The following GOT1 variants were observed in gnomAD, a reference collection of about 807,000 sequenced individuals.
GOT1 encodes glutamic-oxaloacetic transaminase 1.
GOT1 carries 25 observed loss-of-function variants against 48.2 expected under a neutral mutation model. The observed-to-expected ratio is 0.52, with a 90% CI of 0.38 to 0.72. The LOEUF is 0.72. Ranked by LOEUF, GOT1 falls within the 30% of genes least tolerant of loss-of-function variation. The pLI, the probability that GOT1 is intolerant of heterozygous loss-of-function variation, is 0.00. For synonymous variants in GOT1, 188 were observed against 193.8 expected, an observed-to-expected ratio of 0.97 and a Z score of 0.25; for missense variants, 380 against 520.1, an observed-to-expected ratio of 0.73 and a Z score of 2.62.
intron 1 of GOT1, among the ~76,000 whole-genome samples, chr10:99,429,968 C>A (rs1241829771): frequency 6.6e-6 from 1 of 152,084 alleles, no homozygotes; most frequent in African/African-American, 2.4e-5. Flanking sequence ...TCAGTCTCCC[C>A]CTACAAAGCT....
chr10:99,410,670 C>G lies in GOT1; in HGVS notation c.301-3821G>C, dbSNP rs188377187. Among the ~76,000 whole-genome samples, 519 of 152,290 alleles carry G rather than the reference C, an allele frequency of 3.4e-3. 1 individual carries two copies. Among genetic ancestry groups the G allele is most frequent in the African/African-American group, 0.012 (488 of 41,568 alleles). ...GTGAAACACAAGTTGCTCTAAACATCAGCAACTAACAGAAACAAGTTTTTG... is the reference window on the plus strand; with the variant it reads ...GTGAAACACAAGTTGCTCTAAACATGAGCAACTAACAGAAACAAGTTTTTG... On this transcript the variant is annotated intron_variant, in intron 2 of 8. Transcript: ENST00000370508.
At chr10:99,417,248 C>T (rs1024757379) in intron 2 of GOT1, among the ~76,000 whole-genome samples, 1 of 152,180 alleles carries the variant, frequency 6.6e-6, no homozygotes, top group Non-Finnish European at 1.5e-5. Context: ...AAACAAACAA[C>T]CCCATCAACA....
intron 1 of GOT1, among the ~76,000 whole-genome samples, chr10:99,429,571 T>C (rs1357621751): frequency 6.6e-6 from 1 of 152,114 alleles, no homozygotes; most frequent in Non-Finnish European, 1.5e-5. Flanking sequence ...AAAATCCAAA[T>C]GGAGAAAATA....
At chr10:99,412,940 A>G (rs1476825913) in intron 2 of GOT1, among the ~76,000 whole-genome samples, 1 of 152,234 alleles carries the variant, frequency 6.6e-6, no homozygotes, top group Non-Finnish European at 1.5e-5. Context: ...CCAAAAACCC[A>G]TCTGTACATC....
intron 1 of GOT1, among the ~76,000 whole-genome samples, chr10:99,423,827 T>A (rs1045743976): frequency 1.8e-4 from 27 of 151,894 alleles, no homozygotes; most frequent in East Asian, 9.7e-4. Flanking sequence ...TTTTTTTTTT[T>A]AAATTTTTCA....
At chr10:99,420,878 C>T (rs1008308357) in intron 1 of GOT1, 73 bp from the exon 2 acceptor site, 27 of 1,185,390 alleles carry the variant, frequency 2.3e-5, no homozygotes, top group Non-Finnish European at 3.1e-5. Context: ...TAACTGTGAA[C>T]CAGGAGAATC....
chr10:99,427,006 G>A (rs2033046912), intron 1 of GOT1, among the ~76,000 whole-genome samples: 1 of 152,092 alleles, frequency 6.6e-6, no homozygotes. Context: ...TATAACGGCT[G>A]GAAGGAGACC....
In GOT1 at chr10:99,430,497, G is replaced by C; in HGVS notation, c.69C>G (p.Ala23=). ...GGGGGTCCGGATCCTCCCTGAAGTC[G>C]GCAGTGAGCTTGAAGACCAGGACAG... ...AQPVLVFKLT[A]DFREDPDPRK... The change falls in exon 1 of 9, where the codon GCC becomes GCG. Residue 23 remains alanine, a synonymous_variant. Transcript: ENST00000370508. 6.2e-7 allele frequency: 1 copy of C among 1,612,606 alleles called. No individual in the cohort carries two copies. The highest frequency in any genetic ancestry group is 8.5e-7 in the Non-Finnish European group (1 of 1,179,062).
chr10:99,405,783 C>G lies in GOT1; in HGVS notation c.615G>C (p.Gln205His). ...NPTGIDPTPE[Q>H]WKQIASVMKH... The stretch of plus-strand genomic sequence containing the variant: ...TCATGACAGAAGCAATCTGCTTCCA[C>G]TGCTCCGGAGTTGGGTCAATCCCAG... The change falls in exon 5 of 9, where the codon CAG becomes CAC. Residue 205 changes from glutamine to histidine, a missense_variant. Coordinates refer to ENST00000370508, the MANE Select transcript of GOT1 (RefSeq NM_002079.3). The G allele has an allele frequency of 6.2e-7, 1 of 1,602,984 alleles. No individual in the cohort carries two copies. The highest frequency in any genetic ancestry group is 8.5e-7 in the Non-Finnish European group (1 of 1,169,844).
chr10:99,399,608 A>C (rs1376747522), intron 8 of GOT1, among the ~76,000 whole-genome samples: 1 of 150,774 alleles, frequency 6.6e-6, no homozygotes, highest in Non-Finnish European at 1.5e-5. Context: ...CTGTCTCTAC[A>C]AAAAAATCTT....
chr10:99,413,076 C>A (rs1055301286), intron 2 of GOT1, among the ~76,000 whole-genome samples: 3 of 152,206 alleles, frequency 2.0e-5, no homozygotes, highest in African/African-American at 7.2e-5. Context: ...AGCAACGGAA[C>A]AAAGCTGGAT....
At chr10:99,420,372 T>C in intron 2 of GOT1, 2 of 411,358 alleles carry the variant, frequency 4.9e-6, no homozygotes, top group South Asian at 7.6e-5. Context: ...CTACTTGGCA[T>C]CTCCACTGAC....
intron 2 of GOT1, among the ~76,000 whole-genome samples, chr10:99,414,651 C>T (rs1230670266): frequency 6.6e-6 from 1 of 152,112 alleles, no homozygotes; most frequent in Non-Finnish European, 1.5e-5. Flanking sequence ...CTTCTCAGCA[C>T]CACACCACAC....
Position 99,403,773 on chromosome 10 carries a change from G to A in GOT1, c.744C>T (p.Gly248=). 2 of 1,614,202 alleles carry A rather than the reference G, an allele frequency of 1.2e-6. No homozygotes were observed. The highest frequency in any genetic ancestry group is 1.7e-6 in the Non-Finnish European group (2 of 1,180,032). Residue 248 remains glycine, a synonymous_variant, in exon 6 of 9, where the codon GGC becomes GGT. Coordinates refer to ENST00000370508, the MANE Select transcript of GOT1 (RefSeq NM_002079.3). Reference sequence around the variant, plus strand: ...AGGACTGGGCACAGAAGAACTCGAAGCCTTCAGACACAAAATAGCGAATGG... The same window carrying A: ...AGGACTGGGCACAGAAGAACTCGAAACCTTCAGACACAAAATAGCGAATGG... ...AWAIRYFVSE[G]FEFFCAQSFS...
intron 2 of GOT1, among the ~76,000 whole-genome samples, chr10:99,413,395 G>C (rs900144104): frequency 1.3e-5 from 2 of 152,136 alleles, no homozygotes; most frequent in Admixed American, 6.5e-5. Context: ...AGAGAAAAAA[G>C]AATAAAAAGA....
At chr10:99,401,748 A>T (rs1437006386) in intron 8 of GOT1, among the ~76,000 whole-genome samples, 2 of 151,858 alleles carry the variant, frequency 1.3e-5, no homozygotes, top group East Asian at 1.9e-4. Flanking sequence ...ATTGACCAAG[A>T]CCATGCATGA....
rs754348208 is a variant in GOT1 at position 99,397,438 on chromosome 10, T to C, written c.*109A>G. The stretch of plus-strand genomic sequence containing the variant: ...GAGGCTGCCTCACCAGAGCAGCCTT[T>C]CAGTCCTGCAAGTGTCTCTAATCCA... On this transcript the variant is annotated 3_prime_UTR_variant, in exon 9 of 9. Coordinates refer to ENST00000370508, the MANE Select transcript of GOT1 (RefSeq NM_002079.3). The surrounding 1 kb of genome is among the most constrained non-coding windows in gnomAD (Gnocchi z 5.4). The C allele has an allele frequency of 8.4e-7, 1 of 1,196,022 alleles. No individual in the cohort carries two copies. Among genetic ancestry groups the C allele is most frequent in the Non-Finnish European group, 1.2e-6 (1 of 815,974 alleles). The allele number at this position is 1,196,022 out of a possible 1,614,324, so 74.1% of individuals were successfully genotyped here. A position where few individuals can be genotyped will look rare whatever the true frequency, so the allele number is the denominator to read the frequency against.
intron 1 of GOT1, chr10:99,430,102 G>A (rs577985543): frequency 4.2e-4 from 190 of 455,446 alleles, no homozygotes; most frequent in African/African-American, 3.7e-3. Flanking sequence ...AGCCTATCAG[G>A]CTTCCTATTT....
chr10:99,404,103 T>C (rs1366849323), intron 5 of GOT1, among the ~76,000 whole-genome samples: 2 of 152,180 alleles, frequency 1.3e-5, no homozygotes, highest in Non-Finnish European at 2.9e-5. Flanking sequence ...TCCTAGAGTG[T>C]CCCAATTCAG....
Sources: allele counts gnomAD v4.1 joint callset (sites outside exome capture counted in the v4.1 genomes callset), GRCh38; gene constraint gnomAD v4.1.1; non-coding constraint Gnocchi (gnomAD v3.1); transcripts MANE v1.5; gene names NCBI Gene and HGNC (gene_info 2026-07-23, HGNC 2026-07-21).